Variants in SLC17A1 observed in about 807,000 individuals in gnomAD.
SLC17A1 encodes the protein sodium-dependent phosphate transport protein 1.
Under a neutral mutation model 53.5 loss-of-function variants are expected in SLC17A1, and 51 were observed. The observed-to-expected ratio is 0.95, with a 90% confidence interval of 0.76 to 1.20. The LOEUF is 1.20. SLC17A1 is among the 50% of genes most tolerant of loss of function. SLC17A1 has a pLI of 0.00. For synonymous variants in SLC17A1, 179 were observed against 198.8 expected (o/e 0.90, Z 0.84); for missense variants, 538 against 568.2 (o/e 0.95, Z 0.54).
At chr6:25,747,986 A>G in the SLC17A1 span, among the ~76,000 whole-genome samples, 1 of 152,210 alleles carries the variant, frequency 6.6e-6, no homozygotes, top group African/African-American at 2.4e-5. Flanking sequence ...AGTGAATTCA[A>G]AAAACTCAAA....
At chr6:25,814,111 A>G (rs1361284852) in intron 6 of SLC17A1, among the ~76,000 whole-genome samples, 1 of 152,248 alleles carries the variant, frequency 6.6e-6, no homozygotes, top group African/African-American at 2.4e-5. Flanking sequence ...AGAGTTTGAC[A>G]AATTGTTTCT....
At chr6:25,780,867 T>C (rs1763251282), downstream of SLC17A1, 1 of 152,180 alleles carries the variant, frequency 6.6e-6, no homozygotes, top group South Asian at 2.1e-4. Context: ...GAGTGAAAGA[T>C]GTCCAGAGTA....
chr6:25,726,792 G>A, the SLC17A1 span: 36 of 1,316,550 alleles, frequency 2.7e-5, no homozygotes, highest in Middle Eastern at 2.5e-3. Flanking sequence ...TTTACTTGGC[G>A]AGACTTGGAG....
At chr6:25,783,658 A>G (rs992719247) in intron 12 of SLC17A1, among the ~76,000 whole-genome samples, 1 of 152,208 alleles carries the variant, frequency 6.6e-6, no homozygotes, top group African/African-American at 2.4e-5. Context: ...ACTCTCCCTA[A>G]TAAGAATATA....
intron 6 of SLC17A1, among the ~76,000 whole-genome samples, chr6:25,813,911 G>C (rs931614371): frequency 6.6e-6 from 1 of 152,202 alleles, no homozygotes; most frequent in Non-Finnish European, 1.5e-5. Flanking sequence ...CAAAGGACAC[G>C]ATCTCCTTCT....
chr6:25,829,025 A>G (rs968938017), intron 2 of SLC17A1, among the ~76,000 whole-genome samples: 4 of 152,316 alleles, frequency 2.6e-5, no homozygotes, highest in African/African-American at 9.6e-5. Flanking sequence ...TATGCTTAAA[A>G]TAAACCATTT....
At chr6:25,726,787 T>C in the SLC17A1 span, 6 of 1,281,414 alleles carry the variant, frequency 4.7e-6, no homozygotes, top group Non-Finnish European at 6.5e-6. Context: ...GTTTGTTTAC[T>C]TGGCGAGACT....
downstream of SLC17A1, chr6:25,779,408 T>C: frequency 2.0e-6 from 1 of 499,146 alleles, no homozygotes; most frequent in Non-Finnish European, 3.4e-6. Flanking sequence ...GATTTCTGTG[T>C]TCTCCACTCT....
chr6:25,728,752 T>G, the SLC17A1 span, among the ~76,000 whole-genome samples: 1 of 152,200 alleles, frequency 6.6e-6, no homozygotes, highest in African/African-American at 2.4e-5. Context: ...AGGCGGAGGT[T>G]GCAGTGAGCC....
chr6:25,811,841 A>G (rs10498730), intron 8 of SLC17A1, 71 bp from the exon 9 acceptor site: 74,196 of 1,508,438 alleles, frequency 0.049, 2,144 homozygotes, highest in Non-Finnish European at 0.057. Context: ...AGTAATCCCT[A>G]TGCTAAAATT....
the SLC17A1 span, among the ~76,000 whole-genome samples, chr6:25,743,229 A>G: frequency 1.3e-5 from 2 of 152,246 alleles, no homozygotes; most frequent in East Asian, 1.9e-4. Flanking sequence ...ATGATTTACA[A>G]GCTCAAGAAA....
chr6:25,726,663 G>A, the SLC17A1 span: 1 of 1,218,898 alleles, frequency 8.2e-7, no homozygotes. Context: ...AGTCGTACTA[G>A]AATCGCCTCA....
chr6:25,770,447 CA>C, the SLC17A1 span: 1 of 1,614,038 alleles, frequency 6.2e-7, no homozygotes, highest in South Asian at 1.1e-5. Context: ...GGAAAGGAGT[CA>C]ACTCACCACC....
chr6:25,736,207 T>A, the SLC17A1 span, among the ~76,000 whole-genome samples: 1 of 152,146 alleles, frequency 6.6e-6, no homozygotes, highest in Non-Finnish European at 1.5e-5. Flanking sequence ...AGTCTACGGT[T>A]ACCCTAGAAG....
At chr6:25,725,731 G>A in the SLC17A1 span, among the ~76,000 whole-genome samples, 1,634 of 152,196 alleles carry the variant, frequency 0.011, 13 homozygotes, top group Non-Finnish European at 0.015. Flanking sequence ...CTCCCGAACA[G>A]CTGGGACTAC....
rs200443274 is a variant in SLC17A1, at chr6:25,812,811, A to G, written c.897+20T>C. On this transcript the variant is annotated intron_variant, in intron 8 of 12. Coordinates refer to ENST00000244527, the MANE Select transcript of SLC17A1 (RefSeq NM_005074.5). The stretch of plus-strand genomic sequence containing the variant: ...AGAGTCTTTCGTGAAGTTAAAAAAA[A>G]GAACAAATAGTATACTTACCTCTTT... 99 of 1,566,896 alleles carry G rather than the reference A, an allele frequency of 6.3e-5. No homozygotes were observed. Among genetic ancestry groups the G allele is most frequent in the Middle Eastern group, 3.4e-4 (2 of 5,876 alleles).
At chr6:25,826,342 T>G in intron 3 of SLC17A1, 119 bp downstream of exon 3, 1 of 767,918 alleles carries the variant, frequency 1.3e-6, no homozygotes. Context: ...GCAAGGTAGA[T>G]GAAGACTTGA....
intron 12 of SLC17A1, 62 bp downstream of exon 12, chr6:25,798,721 T>C (rs913489787): frequency 2.0e-6 from 3 of 1,475,854 alleles, no homozygotes; most frequent in Admixed American, 1.8e-5. Context: ...GAGTCATCCT[T>C]ATCTCCTCTG....
the SLC17A1 span, among the ~76,000 whole-genome samples, chr6:25,767,173 T>A: frequency 6.6e-6 from 1 of 152,282 alleles, no homozygotes. Context: ...AGCTTATAAC[T>A]TTTAAAAAAG....
Sources: gnomAD v4.1 joint callset for allele counts (sites outside exome capture counted in the v4.1 genomes callset) on GRCh38, gnomAD v4.1.1 for gene constraint, MANE v1.5 for transcripts, NCBI Gene and HGNC (gene_info 2026-07-23, HGNC 2026-07-21) for gene names.